ZNF831: variants seen among roughly 807,000 people sequenced by gnomAD.
ZNF831 encodes chromosome 20 open reading frame 174.
Under a neutral mutation model 95.8 loss-of-function variants are expected in ZNF831, and 59 were observed. The observed-to-expected ratio is 0.62, with a 90% CI of 0.50 to 0.77. The LOEUF (loss-of-function observed/expected upper bound fraction) is 0.77, where lower values mean the gene tolerates loss of function less well. Among genes scored for constraint, ZNF831 ranks in the 30% least tolerant of loss-of-function variants. The pLI, the probability that ZNF831 is intolerant of heterozygous loss-of-function variation, is 0.00. For synonymous variants in ZNF831, 961 were observed against 925.5 expected (o/e 1.04, Z -0.70); for missense variants, 2,205 against 2,164.0 (o/e 1.02, Z -0.38).
intron 4 of ZNF831, among the ~76,000 whole-genome samples, chr20:59,231,367 A>G (rs1387128932): frequency 6.6e-6 from 1 of 152,214 alleles, no homozygotes; most frequent in East Asian, 1.9e-4. Flanking sequence ...TAGAAAGACT[A>G]ATTTCAGTTT....
At chr20:59,181,878 T>C (rs1254653552) in intron 1 of ZNF831, among the ~76,000 whole-genome samples, 2 of 152,048 alleles carry the variant, frequency 1.3e-5, no homozygotes, top group East Asian at 1.9e-4. Context: ...CTTCATGATA[T>C]TAATTTTTCC....
rs527721948 is a variant in ZNF831, at chr20:59,142,378, A to G, written c.-1424-3853A>G. Among the ~76,000 whole-genome samples, 3 of 152,254 alleles carry G rather than the reference A, an allele frequency of 2.0e-5. No homozygotes were observed. In the East Asian group the frequency reaches 5.8e-4, roughly 29 times the overall value. On this transcript the variant is annotated intron_variant, in intron 1 of 7. Coordinates refer to the ZNF831 transcript ENST00000637017. ...TGGGAAACTAGCCAATGGGCACTGG[A>G]GCTGTCCTAGGTCCTGAACAGCCTT...
chr20:59,131,469 T>G (rs7267618), intron 1 of ZNF831, among the ~76,000 whole-genome samples: 16,941 of 151,880 alleles, frequency 0.11, 1,004 homozygotes, highest in African/African-American at 0.13. Flanking sequence ...AGAGGGGAGG[T>G]GGAATTCCTT....
At chr20:59,179,261 G>T (rs1982419461) in intron 1 of ZNF831, among the ~76,000 whole-genome samples, 1 of 152,178 alleles carries the variant, frequency 6.6e-6, no homozygotes, top group Admixed American at 6.5e-5. Context: ...TTGGGGGATA[G>T]CCCTGGTGTT....
chr20:59,230,296 A>G (rs1986654060), intron 4 of ZNF831, among the ~76,000 whole-genome samples: 1 of 151,996 alleles, frequency 6.6e-6, no homozygotes, highest in African/African-American at 2.4e-5. Flanking sequence ...AACAAATGGA[A>G]CCCCACCTCT....
At chr20:59,243,597 C>G (rs964781904) in intron 4 of ZNF831, among the ~76,000 whole-genome samples, 1 of 152,196 alleles carries the variant, frequency 6.6e-6, no homozygotes, top group Non-Finnish European at 1.5e-5. Flanking sequence ...AACCCTAGGA[C>G]TCCCTCATCC....
rs1356088658 is a variant in ZNF831 at position 59,192,432 on chromosome 20, C to T, written c.1413C>T (p.Arg471=). ...PGRRRAPGPV[R]STWTPPDKSR... ...GTAGGAGGGCCCCGGGCCCCGTGCG[C>T]TCCACCTGGACGCCCCCAGACAAGT... Residue 471 remains arginine (R), a synonymous_variant, in exon 2 of 6, where the codon CGC becomes CGT. Transcript: ENST00000371030. The surrounding 1 kb of genome is among the most constrained non-coding windows in gnomAD (Gnocchi z 5.2). 1.9e-6 allele frequency: 3 copies of T among 1,608,966 alleles called. No homozygotes were observed. Among genetic ancestry groups the T allele is most frequent in the Admixed American group, 3.4e-5 (2 of 59,404 alleles).
chr20:59,191,944 G>C lies in ZNF831; in HGVS notation c.925G>C (p.Ala309Pro), dbSNP rs1428090098. The part of the protein sequence containing the change: ...RKLPEQKSPT[A>P]GKPCALQRQQ... The stretch of plus-strand genomic sequence containing the variant: ...GTTGCCAGAGCAGAAGTCGCCGACC[G>C]CCGGGAAGCCGTGCGCCCTGCAGCG... Residue 309 changes from alanine (A) to proline (P), a missense_variant, in exon 2 of 6, where the codon GCC becomes CCC. Transcript: ENST00000371030. 1 of 1,608,622 alleles carries C rather than the reference G, an allele frequency of 6.2e-7. No homozygotes were observed. Among genetic ancestry groups the C allele is most frequent in the African/African-American group, 1.3e-5 (1 of 74,840 alleles).
intron 4 of ZNF831, among the ~76,000 whole-genome samples, chr20:59,216,438 G>A (rs1040639056): frequency 6.6e-6 from 1 of 152,210 alleles, no homozygotes; most frequent in Non-Finnish European, 1.5e-5. Flanking sequence ...GATTGACTGA[G>A]ATGGAGTTTC....
Position 59,206,984 on chromosome 20 carries a change from A to C in ZNF831, c.3955A>C (p.Ser1319Arg). The change falls in exon 4 of 6, where the codon AGC becomes CGC. Residue 1319 changes from serine (S) to arginine (R), a missense_variant. Transcript: ENST00000371030. ...CACACCAACCTGGGTGCGAAGAAGAAGCCGCCACCCTCCCGCACTTGAGGG... is the reference window on the plus strand; with the variant it reads ...CACACCAACCTGGGTGCGAAGAAGACGCCGCCACCCTCCCGCACTTGAGGG... Reference protein sequence around the residue: ...LRTPTWVRRRSRHPPALEGLK... With the variant: ...LRTPTWVRRRRRHPPALEGLK... 1 of 1,614,230 alleles carries C rather than the reference A, an allele frequency of 6.2e-7. No homozygotes were observed.
chr20:59,213,614 C>A (rs1025741151), intron 4 of ZNF831, among the ~76,000 whole-genome samples: 9 of 152,098 alleles, frequency 5.9e-5, no homozygotes, highest in Non-Finnish European at 1.2e-4. Context: ...GTTCCTGAAG[C>A]TTAGTTTCAG....
intron 1 of ZNF831, among the ~76,000 whole-genome samples, chr20:59,176,596 CT>C (rs1568740474): frequency 1.3e-5 from 2 of 152,334 alleles, no homozygotes; most frequent in East Asian, 1.9e-4. Flanking sequence ...AGTAACCCCC[CT>C]AGACCCACTG....
In ZNF831 at chr20:59,258,569, A is replaced by G. The variant is rs1056621934; in HGVS notation, c.*3826A>G. 4.6e-5 allele frequency: 7 copies of G among 152,624 alleles called. No individual in the cohort carries two copies. The highest frequency in any genetic ancestry group is 8.8e-5 in the Non-Finnish European group (6 of 68,032). The allele number at this position is 152,624 out of a possible 1,614,324, so 9.5% of individuals were successfully genotyped here. A position where few individuals can be genotyped will look rare whatever the true frequency, so the allele number is the denominator to read the frequency against. On this transcript the variant is annotated 3_prime_UTR_variant, in exon 6 of 6. Coordinates refer to ENST00000371030, the MANE Select transcript of ZNF831 (RefSeq NM_178457.3). The stretch of plus-strand genomic sequence containing the variant: ...CATAATTTAATATGGTGAGGAGAAT[A>G]TGACCTGCCTGGCTCTATGGGTGAT...
At chr20:59,171,991 C>G (rs1981779464) in intron 1 of ZNF831, among the ~76,000 whole-genome samples, 1 of 152,206 alleles carries the variant, frequency 6.6e-6, no homozygotes, top group Non-Finnish European at 1.5e-5. Context: ...GAAAGATTTA[C>G]AGTGTATCCT....
In ZNF831 at chr20:59,191,308, C is replaced by A. The variant is rs2146545828; in HGVS notation, c.289C>A (p.Pro97Thr). Residue 97 changes from proline to threonine, a missense_variant, in exon 2 of 6, where the codon CCT (proline) becomes ACT (threonine). Transcript: ENST00000371030. ...CTTCATACTCAGCCCTGTGCTGCAG[C>A]CTGAAGGGCCTGGCCCCACCCAGGT... is the stretch of plus-strand genomic sequence containing the variant. ...VPFILSPVLQPEGPGPTQVGK... is the reference protein window; with the variant it reads ...VPFILSPVLQTEGPGPTQVGK... 6.3e-7 allele frequency: 1 copy of A among 1,593,910 alleles called. No individual in the cohort carries two copies. Among genetic ancestry groups the A allele is most frequent in the Non-Finnish European group, 8.5e-7 (1 of 1,170,396 alleles).
rs1354393981 is a variant in ZNF831 at position 59,163,982 on chromosome 20, A to G, written c.-262A>G. On this transcript the variant is annotated 5_prime_UTR_variant, in exon 1 of 6. An upstream start codon of the reference 5' UTR is lost. Coordinates refer to ENST00000371030, the MANE Select transcript of ZNF831 (RefSeq NM_178457.3). ...AGGGAGCATCTCTCCGTTCTCTGAG[A>G]TGCTGCCTGCAGAGTAGGAACTGGG... Among the ~76,000 whole-genome samples the G allele has an allele frequency of 6.6e-6, 1 of 152,100 alleles. No individual in the cohort carries two copies. Among genetic ancestry groups the G allele is most frequent in the Non-Finnish European group, 1.5e-5 (1 of 68,014 alleles).
intron 4 of ZNF831, among the ~76,000 whole-genome samples, chr20:59,222,384 A>G (rs1018936153): frequency 9.9e-5 from 15 of 152,052 alleles, no homozygotes; most frequent in African/African-American, 3.4e-4. Context: ...CCGCCTAGCC[A>G]CGTGGATGCT....
intron 4 of ZNF831, among the ~76,000 whole-genome samples, chr20:59,230,235 G>A (rs1330440690): frequency 3.3e-5 from 5 of 152,016 alleles, no homozygotes; most frequent in Non-Finnish European, 7.4e-5. Context: ...CTGTCCTGTC[G>A]CAACTATTCA....
chr20:59,139,263 A>G (rs929642088), intron 1 of ZNF831, among the ~76,000 whole-genome samples: 4 of 152,150 alleles, frequency 2.6e-5, no homozygotes, highest in African/African-American at 9.7e-5. Context: ...TGGATGTACT[A>G]TGGTTTATTT....
Sources: allele counts gnomAD v4.1 joint callset (sites outside exome capture counted in the v4.1 genomes callset), GRCh38; gene constraint gnomAD v4.1.1; non-coding constraint Gnocchi (gnomAD v3.1); transcripts MANE v1.5; gene names NCBI Gene and HGNC (gene_info 2026-07-23, HGNC 2026-07-21).